Variants in CNTN1 observed in about 807,000 individuals in gnomAD.
CNTN1 encodes the protein contactin-1.
CNTN1 carries 38 observed loss-of-function variants against 126.4 expected under a neutral mutation model. That is an observed-to-expected ratio of 0.30 (90% CI 0.23 to 0.39). The LOEUF (loss-of-function observed/expected upper bound fraction) is 0.39, where lower values mean the gene tolerates loss of function less well. Among genes scored for constraint, CNTN1 ranks in the 10% least tolerant of loss-of-function variants. CNTN1 has a pLI of 1.00. For synonymous variants in CNTN1, 413 were observed against 422.6 expected (o/e 0.98, Z 0.28); for missense variants, 1,009 against 1,248.4 (o/e 0.81, Z 2.89).
At chr12:40,836,808 T>A (rs1942076485) in intron 1 of CNTN1, among the ~76,000 whole-genome samples, 1 of 152,224 alleles carries the variant, frequency 6.6e-6, no homozygotes, top group South Asian at 2.1e-4. Flanking sequence ...AAGCCAACTA[T>A]GTGTTTGGTG....
intron 16 of CNTN1, among the ~76,000 whole-genome samples, chr12:40,983,463 T>A (rs1363403285): frequency 6.7e-6 from 1 of 149,410 alleles, no homozygotes; most frequent in African/African-American, 2.5e-5. Context: ...TTTGATGATA[T>A]TCACCGTGTG....
Position 40,830,921 on chromosome 12 carries a change from TTACATATACATA to T in CNTN1, c.-76-77427_-76-77416del, listed in dbSNP as rs1169387576. 2.3e-3 allele frequency among the ~76,000 whole-genome samples: 134 copies of T among 57,262 alleles called. 1 individual carries two copies. The highest frequency in any genetic ancestry group is 0.01 in the South Asian group (15 of 1,478). 37.6% of individuals were successfully genotyped at this position (57,262 alleles called of 152,430 possible). On this transcript the variant is annotated intron_variant, in intron 1 of 23. Transcript: ENST00000551295. ...TAACTACCATAATCCTAAGTGGTAG[TTACATATACATA>T]TACATATATATATATATATATATAT...
chr12:40,956,145 C>T lies in CNTN1; in HGVS notation c.1684-2969C>T, dbSNP rs532505935. On this transcript the variant is annotated intron_variant, in intron 14 of 23. Coordinates refer to ENST00000551295, the MANE Select transcript of CNTN1 (RefSeq NM_001843.4). ...AAGTGAATACATATTATCTTAAGAG[C>T]AGATACCAAAATTCTTGACAATTTG... is the stretch of plus-strand genomic sequence containing the variant. 6.8e-4 allele frequency among the ~76,000 whole-genome samples: 104 copies of T among 152,148 alleles called. 2 individuals are homozygous for T. Among genetic ancestry groups the T allele is most frequent in the African/African-American group, 2.3e-3 (96 of 41,552 alleles).
At chr12:40,932,722 C>T (rs1945933861) in intron 7 of CNTN1, among the ~76,000 whole-genome samples, 1 of 151,922 alleles carries the variant, frequency 6.6e-6, no homozygotes, top group Non-Finnish European at 1.5e-5. Flanking sequence ...CTACTTCTAA[C>T]TACCGTCCTC....
Position 41,014,215 on chromosome 12 carries a change from T to C in CNTN1, c.2114-13T>C. 6.2e-7 allele frequency: 1 copy of C among 1,613,664 alleles called. No individual in the cohort carries two copies. The highest frequency in any genetic ancestry group is 8.5e-7 in the Non-Finnish European group (1 of 1,179,638). ...TTGTTGTTGTTTTGCATATATTTGT[T>C]TGTTTGTTTCAGCACCAAATGTGGC... On this transcript the variant is annotated splice_polypyrimidine_tract_variant and intron_variant, in intron 17 of 23. Transcript: ENST00000551295.
chr12:41,046,737 T>C (rs1316430254), intron 23 of CNTN1, among the ~76,000 whole-genome samples: 1 of 152,034 alleles, frequency 6.6e-6, no homozygotes, highest in African/African-American at 2.4e-5. Context: ...TACTGTGTTC[T>C]CTGACCACTG....
At chr12:40,745,109 A>G (rs1455367010) in intron 1 of CNTN1, among the ~76,000 whole-genome samples, 1 of 152,094 alleles carries the variant, frequency 6.6e-6, no homozygotes, top group Non-Finnish European at 1.5e-5. Flanking sequence ...TTCCTTGACT[A>G]TTTCCCAACT....
At chr12:40,807,660 A>G (rs953885705) in intron 1 of CNTN1, among the ~76,000 whole-genome samples, 1 of 152,124 alleles carries the variant, frequency 6.6e-6, no homozygotes, top group South Asian at 2.1e-4. Flanking sequence ...GCCTGTCAGA[A>G]CCTCAAAATT....
chr12:40,782,890 A>G (rs1000324903), intron 1 of CNTN1, among the ~76,000 whole-genome samples: 9 of 152,006 alleles, frequency 5.9e-5, no homozygotes, highest in Admixed American at 2.0e-4. Context: ...TCCTAACAGA[A>G]GCAATAGAGG....
At chr12:40,915,466 G>A (rs1304310896) in intron 3 of CNTN1, among the ~76,000 whole-genome samples, 1 of 152,062 alleles carries the variant, frequency 6.6e-6, no homozygotes, top group African/African-American at 2.4e-5. Flanking sequence ...AAGTACAATT[G>A]TGTAACTGGT....
intron 17 of CNTN1, among the ~76,000 whole-genome samples, chr12:41,007,390 G>C (rs1170702111): frequency 6.6e-6 from 1 of 152,108 alleles, no homozygotes; most frequent in African/African-American, 2.4e-5. Flanking sequence ...AGAAATTTCA[G>C]TTATTTAAAG....
intron 1 of CNTN1, among the ~76,000 whole-genome samples, chr12:40,744,620 C>T (rs1321654287): frequency 1.3e-5 from 2 of 152,114 alleles, no homozygotes; most frequent in Admixed American, 1.3e-4. Flanking sequence ...AGGACTGAAA[C>T]TTAGAATAGA....
chr12:40,962,038 G>A (rs143672850), intron 15 of CNTN1, among the ~76,000 whole-genome samples: 179 of 152,228 alleles, frequency 1.2e-3, no homozygotes, highest in African/African-American at 3.8e-3. Flanking sequence ...AGTAAACACA[G>A]TAGAGGGGAA....
intron 1 of CNTN1, among the ~76,000 whole-genome samples, chr12:40,814,927 G>A (rs1188279121): frequency 1.3e-5 from 2 of 151,606 alleles, no homozygotes; most frequent in African/African-American, 4.9e-5. Flanking sequence ...CTTGTAAGTT[G>A]GATTCCTAGG....
intron 15 of CNTN1, among the ~76,000 whole-genome samples, chr12:40,969,455 G>A (rs1028326260): frequency 2.6e-5 from 4 of 152,062 alleles, no homozygotes; most frequent in Non-Finnish European, 5.9e-5. Flanking sequence ...TGCAACTGAC[G>A]CTTAGCTAGG....
chr12:40,693,928 A>G (rs994435385), intron 1 of CNTN1, among the ~76,000 whole-genome samples: 19 of 152,058 alleles, frequency 1.2e-4, no homozygotes, highest in African/African-American at 4.6e-4. Flanking sequence ...GTCATATTTC[A>G]TGTTTTCAAT....
At chr12:40,956,756 G>A (rs1161749692) in intron 14 of CNTN1, among the ~76,000 whole-genome samples, 4 of 152,046 alleles carry the variant, frequency 2.6e-5, no homozygotes. Flanking sequence ...CCAGGAAAGG[G>A]AAATTTTAAA....
chr12:40,930,626 T>G (rs1184118507), intron 7 of CNTN1, among the ~76,000 whole-genome samples: 1 of 151,936 alleles, frequency 6.6e-6, no homozygotes, highest in Non-Finnish European at 1.5e-5. Context: ...CACAGTATAC[T>G]TGCTTACTTT....
chr12:41,021,723 T>C (rs996193773), intron 20 of CNTN1, among the ~76,000 whole-genome samples: 1 of 151,134 alleles, frequency 6.6e-6, no homozygotes, highest in African/African-American at 2.4e-5. Flanking sequence ...TTCAGCTGAA[T>C]TTATTACAGT....
Sources: allele counts gnomAD v4.1 joint callset (sites outside exome capture counted in the v4.1 genomes callset), GRCh38; gene constraint gnomAD v4.1.1; transcripts MANE v1.5; gene names NCBI Gene and HGNC (gene_info 2026-07-23, HGNC 2026-07-21).